The following PAPPA variants were observed in gnomAD, a reference collection of about 807,000 sequenced individuals.
PAPPA encodes pappalysin-1.
A neutral mutation model predicts 164.0 loss-of-function variants in PAPPA; 60 were observed. That is an observed-to-expected ratio of 0.37 (90% CI 0.30 to 0.45). The LOEUF (loss-of-function observed/expected upper bound fraction) is 0.45, where lower values mean the gene tolerates loss of function less well. PAPPA is among the 20% of genes least tolerant of loss of function. The pLI, the probability that PAPPA is intolerant of heterozygous loss-of-function variation, is 1.00. For missense variants in PAPPA, 1,782 were observed against 2,087.3 expected (o/e 0.85, Z 2.85); for synonymous variants, 875 against 814.1 (o/e 1.07, Z -1.27).
chr9:116,219,438 T>C (rs1200888293), intron 4 of PAPPA, among the ~76,000 whole-genome samples: 3 of 152,174 alleles, frequency 2.0e-5, no homozygotes, highest in Non-Finnish European at 2.9e-5. Context: ...GTGAAATTAA[T>C]GAATGAGTGG....
chr9:116,342,419 G>A (rs1020733674), intron 13 of PAPPA, among the ~76,000 whole-genome samples: 24 of 152,186 alleles, frequency 1.6e-4, no homozygotes, highest in African/African-American at 5.3e-4. Context: ...TTCAGAAGGA[G>A]AGTATTGGAG....
chr9:116,275,041 C>T (rs2118832310), intron 9 of PAPPA, among the ~76,000 whole-genome samples: 1 of 152,310 alleles, frequency 6.6e-6, no homozygotes, highest in African/African-American at 2.4e-5. Flanking sequence ...CCTCACTAAA[C>T]TAGTTCTGGG....
At chr9:116,257,947 G>T (rs1003440567) in intron 7 of PAPPA, among the ~76,000 whole-genome samples, 1 of 151,716 alleles carries the variant, frequency 6.6e-6, no homozygotes, top group Non-Finnish European at 1.5e-5. Context: ...TGTGTAAATA[G>T]CTAGATAAAA....
At chr9:116,313,128 C>A (rs1845743788) in intron 10 of PAPPA, among the ~76,000 whole-genome samples, 2 of 149,886 alleles carry the variant, frequency 1.3e-5, no homozygotes, top group East Asian at 3.9e-4. Flanking sequence ...TTTTCTTAAA[C>A]CCTGATTAAT....
chr9:116,362,270 CCA>C (rs1338380877), intron 17 of PAPPA, among the ~76,000 whole-genome samples: 9 of 151,462 alleles, frequency 5.9e-5, no homozygotes, highest in Admixed American at 5.9e-4. Context: ...AAAAAAACTC[CCA>C]CACACAAATC....
chr9:116,325,667 A>G (rs547151434), intron 10 of PAPPA, among the ~76,000 whole-genome samples: 2 of 152,264 alleles, frequency 1.3e-5, no homozygotes, highest in South Asian at 4.2e-4. Context: ...CAGCTTCCAT[A>G]AAAGACACAG....
At chr9:116,164,134 A>G (rs1843696782) in intron 1 of PAPPA, among the ~76,000 whole-genome samples, 1 of 152,154 alleles carries the variant, frequency 6.6e-6, no homozygotes, top group Non-Finnish European at 1.5e-5. Flanking sequence ...GCCTTGTAGT[A>G]TTGCTTATCA....
At position 116,368,850 on chromosome 9, in the gene PAPPA, G is replaced by A. The variant is rs189638981; in HGVS notation, c.4605+1096G>A. On this transcript the variant is annotated intron_variant, in intron 19 of 21. Coordinates refer to ENST00000328252, the MANE Select transcript of PAPPA (RefSeq NM_002581.5). Reference sequence around the variant, plus strand: ...GGATAGCTGGGCAGAACCTGATACTGGGTGTACTGTTTCTCAAATGCGCTG... The same window carrying A: ...GGATAGCTGGGCAGAACCTGATACTAGGTGTACTGTTTCTCAAATGCGCTG... Among the ~76,000 whole-genome samples the A allele has an allele frequency of 2.2e-3, 328 of 152,222 alleles. 2 individuals are homozygous for A. The highest frequency in any genetic ancestry group is 7.2e-3 in the African/African-American group (297 of 41,534).
intron 9 of PAPPA, among the ~76,000 whole-genome samples, chr9:116,292,751 C>T (rs926348550): frequency 3.3e-5 from 5 of 152,014 alleles, no homozygotes; most frequent in African/African-American, 1.2e-4. Flanking sequence ...CAGTGATTGG[C>T]ACATAGAGGT....
At chr9:116,215,930 A>G (rs1844365099) in intron 4 of PAPPA, among the ~76,000 whole-genome samples, 1 of 145,260 alleles carries the variant, frequency 6.9e-6, no homozygotes, top group South Asian at 2.3e-4. Context: ...TACTGTAGAT[A>G]TTTACATCCA....
At chr9:116,155,302 T>G (rs549194745) in intron 1 of PAPPA, among the ~76,000 whole-genome samples, 2 of 152,332 alleles carry the variant, frequency 1.3e-5, no homozygotes, top group South Asian at 4.1e-4. Context: ...CGTAATGAAT[T>G]TGAGTTCTCC....
chr9:116,169,137 C>G (rs1190905184), intron 1 of PAPPA, among the ~76,000 whole-genome samples: 1 of 151,992 alleles, frequency 6.6e-6, no homozygotes, highest in Non-Finnish European at 1.5e-5. Flanking sequence ...GTGGCATTGA[C>G]TGTGAGATAT....
At chr9:116,251,102 C>G (rs750696099) in intron 7 of PAPPA, among the ~76,000 whole-genome samples, 3 of 152,232 alleles carry the variant, frequency 2.0e-5, no homozygotes, top group Non-Finnish European at 4.4e-5. Context: ...TTCAAGTTCT[C>G]TCTCTCATCA....
rs529575980 is a variant in PAPPA at position 116,271,475 on chromosome 9, G to A, written c.2953+59G>A. 3 of 1,211,596 alleles carry A rather than the reference G, an allele frequency of 2.5e-6. No homozygotes were observed. The highest frequency in any genetic ancestry group is 2.4e-5 in the South Asian group (2 of 82,566). 75.1% of individuals were successfully genotyped at this position (1,211,596 alleles called of 1,614,324 possible). A position where few individuals can be genotyped will look rare whatever the true frequency, so the allele number is the denominator to read the frequency against. On this transcript the variant is annotated intron_variant, in intron 9 of 21. Transcript: ENST00000328252. This position sits in a 1 kb window ranked among gnomAD's most constrained non-coding sequence, Gnocchi z 4.2. ...AGAAATGAACGGTGCAGAATGGTTGGTCAATGATAATGCCAACAATAGTTA... is the reference window on the plus strand; with the variant it reads ...AGAAATGAACGGTGCAGAATGGTTGATCAATGATAATGCCAACAATAGTTA...
At chr9:116,314,443 T>C (rs1845762304) in intron 10 of PAPPA, among the ~76,000 whole-genome samples, 1 of 152,158 alleles carries the variant, frequency 6.6e-6, no homozygotes, top group South Asian at 2.1e-4. Flanking sequence ...TGTAACTCAA[T>C]GTCTTAAATT....
intron 3 of PAPPA, among the ~76,000 whole-genome samples, chr9:116,210,204 A>G (rs1379032290): frequency 1.3e-5 from 2 of 152,146 alleles, no homozygotes; most frequent in African/African-American, 2.4e-5. Context: ...GCACACTCAC[A>G]TGCCCTCTCA....
rs149279887 is a variant in PAPPA, at chr9:116,362,681, G to C, written c.4437G>C (p.Ser1479=). ...GCCAGGAGATGCAAGGCCAGTGCTC[G>C]GTTCCAAACGAGCTCAACAGCAACC... The part of the protein sequence containing the change: ...HVCQEMQGQC[S]VPNELNSNLK... The change falls in exon 18 of 22, where the codon TCG becomes TCC. Residue 1479 remains serine (S), a synonymous_variant. Coordinates refer to ENST00000328252, the MANE Select transcript of PAPPA (RefSeq NM_002581.5). The C allele has an allele frequency of 2.1e-4, 334 of 1,613,954 alleles. No homozygotes were observed. The highest frequency in any genetic ancestry group is 2.8e-4 in the Non-Finnish European group (325 of 1,179,982).
chr9:116,299,424 G>T (rs982479880), intron 9 of PAPPA, among the ~76,000 whole-genome samples: 2 of 151,962 alleles, frequency 1.3e-5, no homozygotes, highest in Non-Finnish European at 1.5e-5. Context: ...ATTTATTGTG[G>T]TCTTTAACAT....
intron 19 of PAPPA, among the ~76,000 whole-genome samples, chr9:116,371,067 G>C (rs892226844): frequency 1.3e-5 from 2 of 152,152 alleles, no homozygotes; most frequent in Non-Finnish European, 2.9e-5. Flanking sequence ...AATGCCACCT[G>C]AACCAGGCAG....
Sources: gnomAD v4.1 joint callset for allele counts (sites outside exome capture counted in the v4.1 genomes callset) on GRCh38, gnomAD v4.1.1 for gene constraint, Gnocchi (gnomAD v3.1) non-coding constraint, MANE v1.5 for transcripts, NCBI Gene and HGNC (gene_info 2026-07-23, HGNC 2026-07-21) for gene names.